The following TECR variants were observed in gnomAD, a reference collection of about 807,000 sequenced individuals.
The protein encoded by TECR is very-long-chain enoyl-CoA reductase.
TECR carries 19 observed loss-of-function variants against 50.6 expected under a neutral mutation model. That is an observed-to-expected ratio of 0.38 (90% confidence interval 0.26 to 0.55). The LOEUF (loss-of-function observed/expected upper bound fraction) is 0.55. Among genes scored for constraint, TECR ranks in the 20% least tolerant of loss-of-function variants. The pLI is 0.79. For missense variants in TECR, 313 were observed against 408.3 expected (o/e 0.77, Z 2.01); for synonymous variants, 168 against 163.5 (o/e 1.03, Z -0.21).
intron 8 of TECR, 41 bp downstream of exon 8, chr19:14,564,899 C>G: frequency 6.2e-7 from 1 of 1,614,086 alleles, no homozygotes; most frequent in South Asian, 1.1e-5. Context: ...CCACGGTCCC[C>G]ACCCAGCGGG....
chr19:14,556,847 G>A (rs959801107), intron 1 of TECR, among the ~76,000 whole-genome samples: 7 of 152,154 alleles, frequency 4.6e-5, no homozygotes, highest in Admixed American at 1.3e-4. Flanking sequence ...GGGGAGCGTC[G>A]CAGCCTCCGC....
chr19:14,535,576 ATATATATATATATGTATGTATATATAAAT>A (rs2072864781), intron 1 of TECR, among the ~76,000 whole-genome samples: 1 of 39,886 alleles, frequency 2.5e-5, no homozygotes, highest in Admixed American at 2.7e-4. Flanking sequence ...ATATATATAT[ATATATATATATATGTATGTATATATAAAT>A]TAGCCAGGCA....
intron 1 of TECR, among the ~76,000 whole-genome samples, chr19:14,555,630 G>A (rs1030517572): frequency 3.3e-5 from 5 of 151,660 alleles, no homozygotes; most frequent in African/African-American, 1.2e-4. Flanking sequence ...GTTTTTACAC[G>A]GGGTTTTACC....
chr19:14,537,011 A>G (rs1489840049), intron 1 of TECR, among the ~76,000 whole-genome samples: 1 of 90,166 alleles, frequency 1.1e-5, no homozygotes, highest in Non-Finnish European at 2.2e-5. Flanking sequence ...GGGCTTGAGG[A>G]CGGGGAGGGG....
At chr19:14,532,590 A>T (rs1043043194) in intron 1 of TECR, 1 of 150,252 alleles carries the variant, frequency 6.7e-6, no homozygotes, top group East Asian at 1.9e-4. Flanking sequence ...ATAAATTGTT[A>T]TTTTGCTGTG....
At chr19:14,565,158 C>T (rs755140335) in intron 10 of TECR, 35 bp downstream of exon 10, 1 of 1,613,804 alleles carries the variant, frequency 6.2e-7, no homozygotes, top group Non-Finnish European at 8.5e-7. Context: ...GACAGCTGGG[C>T]TGGGTGAGGG....
At chr19:14,552,041 C>T (rs1167627393) in intron 1 of TECR, among the ~76,000 whole-genome samples, 1 of 147,606 alleles carries the variant, frequency 6.8e-6, no homozygotes, top group African/African-American at 2.5e-5. Flanking sequence ...GTCAGTGGTG[C>T]AGTCATAACT....
intron 1 of TECR, among the ~76,000 whole-genome samples, chr19:14,538,775 C>T (rs1208464034): frequency 6.6e-6 from 1 of 151,960 alleles, no homozygotes; most frequent in East Asian, 1.9e-4. Flanking sequence ...TCGTGATCCA[C>T]CCGCCTCAGC....
chr19:14,532,940 T>C (rs1359506099), intron 1 of TECR, among the ~76,000 whole-genome samples: 2 of 151,466 alleles, frequency 1.3e-5, no homozygotes, highest in African/African-American at 4.9e-5. Context: ...TGAAACCTCG[T>C]CTCTACTAAA....
At chr19:14,550,773 T>G (rs2073472255) in intron 1 of TECR, among the ~76,000 whole-genome samples, 1 of 151,650 alleles carries the variant, frequency 6.6e-6, no homozygotes, top group Non-Finnish European at 1.5e-5. Context: ...CTTCACCTCC[T>G]GGGTTCATGC....
chr19:14,529,125 C>T (rs544311781), upstream of TECR: 10 of 181,030 alleles, frequency 5.5e-5, no homozygotes, highest in South Asian at 8.0e-4. Context: ...CCATAGTGAC[C>T]TCCTCGCCAA....
At chr19:14,543,532 G>A (rs1342015659) in intron 1 of TECR, among the ~76,000 whole-genome samples, 2 of 132,620 alleles carry the variant, frequency 1.5e-5, no homozygotes, top group African/African-American at 5.8e-5. Context: ...TCCGTCTCCC[G>A]GGTTCACGCC....
At chr19:14,544,978 G>A (rs1027424914) in intron 1 of TECR, 8 of 407,530 alleles carry the variant, frequency 2.0e-5, no homozygotes, top group African/African-American at 1.2e-4. Flanking sequence ...TAGGAACTGC[G>A]GTGTCCTTTT....
At chr19:14,532,456 T>C (rs7253780) in intron 1 of TECR, 81,509 of 145,444 alleles carry the variant, frequency 0.56, 24,368 homozygotes, top group African/African-American at 0.79. Context: ...GAGGTTGCAG[T>C]GAGCTGAGAT....
intron 11 of TECR, 35 bp from the exon 12 acceptor site, chr19:14,565,583 G>C (rs1383864457): frequency 6.3e-7 from 1 of 1,599,620 alleles, no homozygotes; most frequent in Admixed American, 1.7e-5. Flanking sequence ...CGGGTTGCGA[G>C]GCTGCCCACG....
chr19:14,558,141 C>T (rs2073795350), intron 1 of TECR, among the ~76,000 whole-genome samples: 1 of 152,154 alleles, frequency 6.6e-6, no homozygotes, highest in Non-Finnish European at 1.5e-5. Context: ...CCCACTTTGC[C>T]ATGAGTAGAT....
intron 1 of TECR, among the ~76,000 whole-genome samples, chr19:14,543,383 C>G (rs1266487498): frequency 1.1e-5 from 1 of 93,808 alleles, no homozygotes; most frequent in African/African-American, 4.0e-5. Flanking sequence ...CTACTTGTTT[C>G]AGAGAATATA....
At chr19:14,535,584 A>G (rs181824276) in intron 1 of TECR, among the ~76,000 whole-genome samples, 3,029 of 38,522 alleles carry the variant, frequency 0.079, 151 homozygotes, top group Middle Eastern at 0.14. Context: ...ATATATATAT[A>G]TATATGTATG....
At chr19:14,564,121 G>A in intron 6 of TECR, 24 bp downstream of exon 6, 1 of 1,608,316 alleles carries the variant, frequency 6.2e-7, no homozygotes. Flanking sequence ...GTGGGAGGAG[G>A]GTAGGGGAAG....
Sources: allele counts gnomAD v4.1 joint callset (sites outside exome capture counted in the v4.1 genomes callset), GRCh38; gene constraint gnomAD v4.1.1; transcripts MANE v1.5; gene names NCBI Gene and HGNC (gene_info 2026-07-23, HGNC 2026-07-21).